AK9: variants seen among roughly 807,000 people sequenced by gnomAD.
AK9 encodes the protein adenylate kinase domain containing 1.
Under a neutral mutation model 239.6 loss-of-function variants are expected in AK9, and 191 were observed. The ratio of observed to expected loss-of-function variants is 0.80; its 90% CI spans 0.71 to 0.90. AK9 has a LOEUF of 0.90. Among genes scored for constraint, AK9 ranks in the 40% least tolerant of loss-of-function variants. AK9 has a pLI of 0.00. For synonymous variants in AK9, 689 were observed against 721.0 expected, an observed-to-expected ratio of 0.96 and a Z score of 0.71; for missense variants, 1,995 against 2,214.7, an observed-to-expected ratio of 0.90 and a Z score of 1.99.
In AK9 at chr6:109,624,684, C is replaced by T. The variant is rs142888626; in HGVS notation, c.1255-5448G>A. Among the ~76,000 whole-genome samples, 409 of 152,258 alleles carry T rather than the reference C, an allele frequency of 2.7e-3. 3 individuals are homozygous for T. The highest frequency in any genetic ancestry group is 9.5e-3 in the African/African-American group (396 of 41,544). On this transcript the variant is annotated intron_variant, in intron 12 of 40. Transcript: ENST00000424296. ...TTATAATTTCAAAGTGATGTCCCTTCGTGTAGGTCTTTCTCCATCCATTTT... is the reference window on the plus strand; with the variant it reads ...TTATAATTTCAAAGTGATGTCCCTTTGTGTAGGTCTTTCTCCATCCATTTT...
rs567853154 is a variant in AK9 at position 109,685,678 on chromosome 6, G to A, written c.-12+5469C>T. On this transcript the variant is annotated intron_variant, in intron 1 of 40. Coordinates refer to ENST00000424296, the MANE Select transcript of AK9 (RefSeq NM_001145128.3). ...ACCACCATGGCATATGTATACCTATGTAACAAAACTGCACGTTCTGCACAT... is the reference window on the plus strand; with the variant it reads ...ACCACCATGGCATATGTATACCTATATAACAAAACTGCACGTTCTGCACAT... Among the ~76,000 whole-genome samples, 9 of 152,150 alleles carry A rather than the reference G, an allele frequency of 5.9e-5. No individual in the cohort carries two copies. The East Asian group carries it at 1.7e-3, about 29-fold the overall frequency.
chr6:109,523,075 T>TTA (rs912803951), intron 29 of AK9, among the ~76,000 whole-genome samples: 1 of 152,186 alleles, frequency 6.6e-6, no homozygotes, highest in African/African-American at 2.4e-5. Context: ...ATTTACCCTC[T>TTA]TACACTTTCT....
At chr6:109,651,834 C>A (rs1480105157) in intron 8 of AK9, among the ~76,000 whole-genome samples, 1 of 152,116 alleles carries the variant, frequency 6.6e-6, no homozygotes, top group Non-Finnish European at 1.5e-5. Context: ...GACATATACA[C>A]CCTCCCAAGA....
intron 27 of AK9, among the ~76,000 whole-genome samples, chr6:109,540,650 G>A (rs1307727919): frequency 6.6e-6 from 1 of 152,132 alleles, no homozygotes; most frequent in Non-Finnish European, 1.5e-5. Flanking sequence ...GATGAACCTG[G>A]TACCTCAGTT....
chr6:109,637,298 T>C (rs1289771147), intron 10 of AK9, among the ~76,000 whole-genome samples: 1 of 152,248 alleles, frequency 6.6e-6, no homozygotes, highest in Non-Finnish European at 1.5e-5. Flanking sequence ...TAGTAATCCC[T>C]ATCAGATATG....
At chr6:109,506,599 TC>T in intron 34 of AK9, 52 bp from the exon 35 acceptor site, 1 of 1,536,232 alleles carries the variant, frequency 6.5e-7, no homozygotes, top group East Asian at 2.5e-5. Flanking sequence ...ACATATCTTT[TC>T]CCCCGTATGA....
intron 29 of AK9, among the ~76,000 whole-genome samples, chr6:109,525,278 A>C (rs1192034600): frequency 6.6e-6 from 1 of 152,204 alleles, no homozygotes; most frequent in African/African-American, 2.4e-5. Context: ...CAAAGTCTCC[A>C]AAAGCAATTG....
intron 25 of AK9, among the ~76,000 whole-genome samples, chr6:109,549,009 C>A: frequency 6.6e-6 from 1 of 151,990 alleles, no homozygotes; most frequent in East Asian, 1.9e-4. Context: ...TCTGGAGGGC[C>A]AAAGAGCAAT....
At chr6:109,557,319 AAG>A (rs1785124332) in intron 24 of AK9, among the ~76,000 whole-genome samples, 1 of 151,978 alleles carries the variant, frequency 6.6e-6, no homozygotes, top group African/African-American at 2.4e-5. Context: ...CCCATGCCTG[AAG>A]ATGTTACCGA....
intron 29 of AK9, among the ~76,000 whole-genome samples, chr6:109,521,957 T>C (rs1779914513): frequency 6.6e-6 from 1 of 152,074 alleles, no homozygotes; most frequent in South Asian, 2.1e-4. Flanking sequence ...GGCTACTCTT[T>C]TCAGGAAGAA....
In AK9 at chr6:109,637,361, T is replaced by C. The variant is rs1796851821; in HGVS notation, c.934-4038A>G. ...GTGGGTTGTCTTTTTACTCTATTGATTGATGTGTTTTCCTTTTTTTTTGTA... is the reference window on the plus strand; with the variant it reads ...GTGGGTTGTCTTTTTACTCTATTGACTGATGTGTTTTCCTTTTTTTTTGTA... On this transcript the variant is annotated intron_variant, in intron 10 of 40. Transcript: ENST00000424296. Among the ~76,000 whole-genome samples, 3 of 152,210 alleles carry C rather than the reference T, an allele frequency of 2.0e-5. No homozygotes were observed. In the South Asian group the frequency reaches 6.2e-4, roughly 32 times the overall value.
chr6:109,610,650 G>T, intron 16 of AK9, 137 bp from the exon 17 acceptor site: 1 of 958,656 alleles, frequency 1.0e-6, no homozygotes, highest in Non-Finnish European at 1.5e-6. Flanking sequence ...TTGGAAGGAG[G>T]GAGAAATAAG....
intron 21 of AK9, among the ~76,000 whole-genome samples, chr6:109,566,577 T>C (rs1333348866): frequency 2.0e-5 from 3 of 152,060 alleles, no homozygotes; most frequent in Non-Finnish European, 2.9e-5. Flanking sequence ...GTAACTGAAA[T>C]AAGAAAACAA....
chr6:109,671,382 CT>C (rs1770859037), intron 5 of AK9, among the ~76,000 whole-genome samples: 1 of 152,134 alleles, frequency 6.6e-6, no homozygotes, highest in Admixed American at 6.6e-5. Context: ...CTTCAGTGGT[CT>C]TTGTCTTGAA....
At chr6:109,516,213 A>T (rs1779259704) in intron 30 of AK9, 138 bp from the exon 31 acceptor site, 1 of 929,704 alleles carries the variant, frequency 1.1e-6, no homozygotes, top group African/African-American at 1.7e-5. Flanking sequence ...AAGTGGCTGC[A>T]TGTTGGTGAC....
At chr6:109,635,550 G>A (rs1012386704) in intron 10 of AK9, among the ~76,000 whole-genome samples, 1 of 152,136 alleles carries the variant, frequency 6.6e-6, no homozygotes, top group African/African-American at 2.4e-5. Context: ...TTAACCAGAG[G>A]AGCATGTGAG....
At chr6:109,546,190 G>C (rs1003210836) in intron 25 of AK9, 63 bp from the exon 26 acceptor site, 3 of 1,442,202 alleles carry the variant, frequency 2.1e-6, no homozygotes, top group Admixed American at 2.2e-5. Flanking sequence ...AAGCAGTTTT[G>C]AGTAATTTAG....
intron 1 of AK9, 130 bp downstream of exon 1, chr6:109,691,017 C>T: frequency 3.9e-6 from 1 of 258,830 alleles, no homozygotes; most frequent in Non-Finnish European, 7.7e-6. Flanking sequence ...TCCTGCAACT[C>T]GGAGAACCCT....
At chr6:109,579,491 G>T in intron 20 of AK9, 59 bp downstream of exon 20, 3 of 1,457,556 alleles carry the variant, frequency 2.1e-6, no homozygotes, top group Non-Finnish European at 1.9e-6. Flanking sequence ...TTGAAATACT[G>T]CAATTGCTTG....
Sources: gnomAD v4.1 joint callset for allele counts (sites outside exome capture counted in the v4.1 genomes callset) on GRCh38, gnomAD v4.1.1 for gene constraint, MANE v1.5 for transcripts, NCBI Gene and HGNC (gene_info 2026-07-23, HGNC 2026-07-21) for gene names.